PGCKA1: variants seen among roughly 807,000 people sequenced by gnomAD.
The protein encoded by PGCKA1 is PDCD10 and GCKIII kinases-associated protein 1.
the PGCKA1 span, among the ~76,000 whole-genome samples, chr4:37,559,194 C>A: frequency 9.4e-6 from 1 of 106,318 alleles, no homozygotes; most frequent in African/African-American, 3.7e-5. Flanking sequence ...TGGAACCAAC[C>A]CAAATGTCCA....
chr4:37,556,527 G>A, the PGCKA1 span, among the ~76,000 whole-genome samples: 1 of 152,030 alleles, frequency 6.6e-6, no homozygotes, highest in South Asian at 2.1e-4. Flanking sequence ...TCTCAGCCCC[G>A]CTGAGTGCTG....
the PGCKA1 span, among the ~76,000 whole-genome samples, chr4:37,583,223 A>C: frequency 6.6e-6 from 1 of 152,192 alleles, no homozygotes; most frequent in Non-Finnish European, 1.5e-5. Flanking sequence ...CACTATTTAA[A>C]GGCAGCTTCC....
At chr4:37,507,488 C>G in the PGCKA1 span, among the ~76,000 whole-genome samples, 1 of 152,060 alleles carries the variant, frequency 6.6e-6, no homozygotes, top group Admixed American at 6.5e-5. Context: ...CAAATACTGT[C>G]TTATAACCCA....
At chr4:37,532,392 A>G in the PGCKA1 span, among the ~76,000 whole-genome samples, 3 of 152,238 alleles carry the variant, frequency 2.0e-5, 1 homozygote, top group Admixed American at 1.3e-4. Flanking sequence ...GTGAACCAGC[A>G]TTCATGTGGG....
the PGCKA1 span, among the ~76,000 whole-genome samples, chr4:37,475,444 A>C: frequency 6.6e-6 from 1 of 152,194 alleles, no homozygotes; most frequent in African/African-American, 2.4e-5. Flanking sequence ...GATTGAGATA[A>C]TGATCCTTTG....
At chr4:37,458,387 T>G in the PGCKA1 span, among the ~76,000 whole-genome samples, 1 of 149,388 alleles carries the variant, frequency 6.7e-6, no homozygotes, top group East Asian at 2.0e-4. Flanking sequence ...GTGTAACAAA[T>G]CACCCCACAC....
chr4:37,590,540 A>T, the PGCKA1 span: 1 of 1,614,004 alleles, frequency 6.2e-7, no homozygotes, highest in Non-Finnish European at 8.5e-7. Context: ...AGAAATGGAG[A>T]CTCCAGAGCT....
the PGCKA1 span, among the ~76,000 whole-genome samples, chr4:37,508,591 T>C: frequency 1.3e-5 from 2 of 151,712 alleles, no homozygotes; most frequent in African/African-American, 2.4e-5. Context: ...TCCACAGACA[T>C]ATAATTATCT....
the PGCKA1 span, among the ~76,000 whole-genome samples, chr4:37,563,465 C>CTT: frequency 6.7e-5 from 10 of 149,640 alleles, no homozygotes; most frequent in East Asian, 1.8e-3. Flanking sequence ...GGAGGGAGTG[C>CTT]TCTCTCTCCT....
chr4:37,461,851 A>C, the PGCKA1 span, among the ~76,000 whole-genome samples: 1 of 151,938 alleles, frequency 6.6e-6, no homozygotes, highest in Non-Finnish European at 1.5e-5. Context: ...GAAATAGAGG[A>C]GAAGGATGCA....
the PGCKA1 span, among the ~76,000 whole-genome samples, chr4:37,464,379 TA>T: frequency 6.6e-6 from 1 of 152,288 alleles, no homozygotes; most frequent in East Asian, 1.9e-4. Flanking sequence ...TCCTCATCTG[TA>T]AAACTGGGAC....
the PGCKA1 span, among the ~76,000 whole-genome samples, chr4:37,586,368 T>A: frequency 6.6e-6 from 1 of 152,198 alleles, no homozygotes; most frequent in Non-Finnish European, 1.5e-5. Flanking sequence ...CCACATTTAT[T>A]GACTGCCTGC....
At chr4:37,547,203 G>A in the PGCKA1 span, among the ~76,000 whole-genome samples, 1 of 152,226 alleles carries the variant, frequency 6.6e-6, no homozygotes, top group African/African-American at 2.4e-5. Flanking sequence ...TCGAGTGGAA[G>A]CATGGCCTGA....
the PGCKA1 span, among the ~76,000 whole-genome samples, chr4:37,574,297 G>A: frequency 6.6e-6 from 1 of 151,984 alleles, no homozygotes; most frequent in Non-Finnish European, 1.5e-5. Flanking sequence ...CACATATAAG[G>A]CTTTCCCTTT....
the PGCKA1 span, among the ~76,000 whole-genome samples, chr4:37,518,663 G>C: frequency 3.5e-3 from 526 of 152,186 alleles, 7 homozygotes; most frequent in African/African-American, 0.012. Context: ...TATATATTCT[G>C]ATTATGAATC....
the PGCKA1 span, among the ~76,000 whole-genome samples, chr4:37,465,086 T>G: frequency 7.7e-4 from 117 of 152,344 alleles, no homozygotes; most frequent in African/African-American, 2.7e-3. Context: ...TTTATAACAT[T>G]TAAAAGAGAG....
At chr4:37,552,374 A>G in the PGCKA1 span, among the ~76,000 whole-genome samples, 3 of 152,244 alleles carry the variant, frequency 2.0e-5, no homozygotes, top group African/African-American at 7.2e-5. Context: ...TCAGATTTTA[A>G]GACAGTAGCT....
At chr4:37,454,305 A>G in the PGCKA1 span, among the ~76,000 whole-genome samples, 1 of 152,192 alleles carries the variant, frequency 6.6e-6, no homozygotes, top group Non-Finnish European at 1.5e-5. Context: ...CCCAAAACCA[A>G]AGACCAAGGC....
chr4:37,513,632 T>G, the PGCKA1 span, among the ~76,000 whole-genome samples: 1 of 152,198 alleles, frequency 6.6e-6, no homozygotes, highest in Admixed American at 6.5e-5. Context: ...GTGTTAGGGC[T>G]GCAACATATG....
Sources: gnomAD v4.1 joint callset for allele counts (sites outside exome capture counted in the v4.1 genomes callset) on GRCh38, gnomAD v4.1.1 for gene constraint, MANE v1.5 for transcripts, NCBI Gene and HGNC (gene_info 2026-07-23, HGNC 2026-07-21) for gene names.